ODF2L: variants seen among roughly 807,000 people sequenced by gnomAD.
ODF2L encodes protein BCAP.
A neutral mutation model predicts 86.3 loss-of-function variants in ODF2L; 76 were observed. That is an observed-to-expected ratio of 0.88 (90% confidence interval 0.73 to 1.07). ODF2L has a LOEUF of 1.07. ODF2L is among the 50% of genes least tolerant of loss of function. ODF2L has a pLI of 0.00. For synonymous variants in ODF2L, 241 were observed against 231.3 expected (o/e 1.04, Z -0.38); for missense variants, 748 against 717.4 (o/e 1.04, Z -0.49).
chr1:86,359,765 C>T (rs1203783650), intron 12 of ODF2L, among the ~76,000 whole-genome samples: 2 of 152,080 alleles, frequency 1.3e-5, no homozygotes, highest in Non-Finnish European at 2.9e-5. Context: ...TTCAAATGAT[C>T]CGCCCACCTC....
At chr1:86,388,915 A>G (rs1029483571) in intron 1 of ODF2L, among the ~76,000 whole-genome samples, 6 of 152,138 alleles carry the variant, frequency 3.9e-5, no homozygotes, top group Non-Finnish European at 7.4e-5. Flanking sequence ...TGGAATCTAC[A>G]TTACATTTAC....
downstream of ODF2L, chr1:86,348,849 T>C (rs1322552307): frequency 6.4e-7 from 1 of 1,558,102 alleles, no homozygotes; most frequent in Non-Finnish European, 8.6e-7. Flanking sequence ...TTTGTACTTC[T>C]TTCAAACACA....
At chr1:86,358,787 C>T in exon 13 of ODF2L, 1 of 1,210,756 alleles carries the variant, frequency 8.3e-7, no homozygotes, top group Non-Finnish European at 1.2e-6. Flanking sequence ...CCAAACGTAC[C>T]TTCTCTACAT....
chr1:86,383,133 C>A lies in ODF2L; in HGVS notation c.435+1G>T, dbSNP rs1195388168. ...CACAAAGTAAGTGTGGAAAGACTTA[C>A]AGTATTTTCACTTTCATTATCAGTT... On this transcript the variant is annotated splice_donor_variant, in intron 5 of 17. Coordinates refer to ENST00000317336, the Ensembl canonical transcript of ODF2L. LOFTEE classifies it high-confidence loss of function. The A allele has an allele frequency of 3.2e-6, 5 of 1,543,266 alleles. No homozygotes were observed. In the Admixed American group the frequency reaches 8.8e-5, roughly 27 times the overall value.
chr1:86,371,735 G>A (rs550455886), intron 9 of ODF2L, among the ~76,000 whole-genome samples: 20 of 151,700 alleles, frequency 1.3e-4, no homozygotes, highest in African/African-American at 1.9e-4. Context: ...TCATTTTTAC[G>A]ATTTTCAAAG....
intron 11 of ODF2L, among the ~76,000 whole-genome samples, chr1:86,362,173 AGGTAATAGAAAATGAGAT>A (rs1659085116): frequency 6.6e-6 from 1 of 152,014 alleles, no homozygotes; most frequent in African/African-American, 2.4e-5. Flanking sequence ...AGAAGAAGAG[AGGTAATAGAAAATGAGAT>A]GGTATAATGC....
In ODF2L at chr1:86,351,071, T is replaced by G. The variant is rs567896106; in HGVS notation, c.*1120A>C. The G allele has an allele frequency of 1.1e-4, 17 of 152,338 alleles. No individual in the cohort carries two copies. In the East Asian group the frequency reaches 2.7e-3, roughly 24 times the overall value. 9.4% of individuals were successfully genotyped at this position (152,338 alleles called of 1,614,324 possible). A position where few individuals can be genotyped will look rare whatever the true frequency, so the allele number is the denominator to read the frequency against. On this transcript the variant is annotated 3_prime_UTR_variant, in exon 18 of 18. Transcript: ENST00000317336. ...TGTTCACTCTGATGATAGTTTCTTT[T>G]GCTGTGCAGAAGCTCTTTAGTTTAA...
chr1:86,366,423 CACACACACACAT>C lies in ODF2L; in HGVS notation c.1143+2201_1143+2212del, dbSNP rs1366796104. The stretch of plus-strand genomic sequence containing the variant: ...ACACACACACACACACACACACACA[CACACACACACAT>C]ACACATACACATACACACACATTCA... On this transcript the variant is annotated intron_variant, in intron 11 of 17. Transcript: ENST00000317336. 4.1e-3 allele frequency among the ~76,000 whole-genome samples: 596 copies of C among 145,332 alleles called. 3 individuals carry two copies. Among genetic ancestry groups the C allele is most frequent in the African/African-American group, 0.015 (557 of 37,602 alleles).
intron 1 of ODF2L, among the ~76,000 whole-genome samples, chr1:86,395,347 C>T (rs1001843113): frequency 1.3e-5 from 2 of 152,142 alleles, no homozygotes; most frequent in African/African-American, 4.8e-5. Context: ...TCGGTGCCAC[C>T]TTAATGGCCC....
chr1:86,357,655 CAGAACAAA>C, intron 13 of ODF2L: 1 of 540,880 alleles, frequency 1.8e-6, no homozygotes, highest in Non-Finnish European at 2.3e-6. Context: ...CTGAGGGATC[CAGAACAAA>C]GGATCCCTCA....
chr1:86,373,499 T>A (rs567438059), intron 8 of ODF2L, among the ~76,000 whole-genome samples: 1 of 148,980 alleles, frequency 6.7e-6, no homozygotes, highest in South Asian at 2.1e-4. Flanking sequence ...ATACTATATA[T>A]ATATGTTATA....
chr1:86,357,798 C>T (rs1370197092), intron 13 of ODF2L: 9 of 983,370 alleles, frequency 9.2e-6, no homozygotes, highest in Non-Finnish European at 1.1e-5. Flanking sequence ...AACATTGTGA[C>T]CTCACAGTAT....
intron 8 of ODF2L, among the ~76,000 whole-genome samples, chr1:86,373,517 A>G (rs1320873768): frequency 2.0e-5 from 3 of 149,254 alleles, no homozygotes; most frequent in Admixed American, 1.3e-4. Flanking sequence ...ATACATATAT[A>G]TTGATATATA....
chr1:86,364,697 G>A (rs1659280975), intron 11 of ODF2L, among the ~76,000 whole-genome samples: 1 of 152,044 alleles, frequency 6.6e-6, no homozygotes, highest in Non-Finnish European at 1.5e-5. Flanking sequence ...CCTCCATCTT[G>A]TTGCTTGAAA....
intron 1 of ODF2L, among the ~76,000 whole-genome samples, chr1:86,395,754 T>A (rs1450067134): frequency 6.6e-6 from 1 of 152,170 alleles, no homozygotes; most frequent in Non-Finnish European, 1.5e-5. Context: ...CGGTCAGGAC[T>A]TCGTTCTGCA....
chr1:86,384,928 A>C, intron 3 of ODF2L, 127 bp from the exon 4 acceptor site: 1 of 590,864 alleles, frequency 1.7e-6, no homozygotes, highest in Non-Finnish European at 2.5e-6. Context: ...AGTAATAATA[A>C]ATGCTACGAA....
Position 86,356,690 on chromosome 1 carries a change from C to T in ODF2L, c.1360-88G>A, listed in dbSNP as rs79234129. 6.9e-3 allele frequency: 7,646 copies of T among 1,115,806 alleles called. 398 individuals are homozygous for T. In the African/African-American group the frequency reaches 0.11, roughly 16 times the overall value. The allele number at this position is 1,115,806 out of a possible 1,614,324, so 69.1% of individuals were successfully genotyped here. On this transcript the variant is annotated intron_variant, in intron 13 of 17. Transcript: ENST00000317336. ...TCTTAAATACTAGATATGCTTATAA[C>T]GTAAGTATTTTAGGTATAATGGCTT...
chr1:86,366,834 A>C (rs1009163601), intron 11 of ODF2L, among the ~76,000 whole-genome samples: 1 of 152,176 alleles, frequency 6.6e-6, no homozygotes, highest in Non-Finnish European at 1.5e-5. Context: ...TCAATCTAGG[A>C]GGTCCAACAA....
chr1:86,348,662 G>A, downstream of ODF2L: 3 of 1,122,152 alleles, frequency 2.7e-6, no homozygotes, highest in South Asian at 5.0e-5. Context: ...ATCATAAAAT[G>A]TAACTGGTAG....
Sources: allele counts gnomAD v4.1 joint callset (sites outside exome capture counted in the v4.1 genomes callset), GRCh38; gene constraint gnomAD v4.1.1; transcripts MANE v1.5; gene names NCBI Gene and HGNC (gene_info 2026-07-23, HGNC 2026-07-21).